MEGF10: variants seen among roughly 807,000 people sequenced by gnomAD.
MEGF10 encodes multiple epidermal growth factor-like domains protein 10.
Under a neutral mutation model 147.5 loss-of-function variants are expected in MEGF10, and 86 were observed. The ratio of observed to expected loss-of-function variants is 0.58; its 90% CI spans 0.49 to 0.70. The LOEUF (loss-of-function observed/expected upper bound fraction) is 0.70, where lower values mean the gene tolerates loss of function less well. MEGF10 is among the 30% of genes least tolerant of loss of function. The pLI, the probability that MEGF10 is intolerant of heterozygous loss-of-function variation, is 0.00. For missense variants in MEGF10, 1,329 were observed against 1,487.3 expected (o/e 0.89, Z 1.75); for synonymous variants, 478 against 525.5 (o/e 0.91, Z 1.24).
chr5:127,331,251 T>C, intron 1 of MEGF10, 40 bp from the exon 2 acceptor site: 1 of 1,073,170 alleles, frequency 9.3e-7, no homozygotes. Flanking sequence ...GTGTGAGTCA[T>C]TTCAATGCAT....
chr5:127,236,583 A>G, the MEGF10 span, among the ~76,000 whole-genome samples: 1 of 152,220 alleles, frequency 6.6e-6, no homozygotes, highest in African/African-American at 2.4e-5. Context: ...CTCCAGCTGG[A>G]CAGAACTACT....
At chr5:127,288,035 C>A (rs940578022), upstream of MEGF10, among the ~76,000 whole-genome samples, 1 of 152,048 alleles carries the variant, frequency 6.6e-6, no homozygotes, top group Non-Finnish European at 1.5e-5. Flanking sequence ...GCCAAAACAA[C>A]TGGATATCCA....
At chr5:127,295,859 G>T (rs143472292) in intron 1 of MEGF10, among the ~76,000 whole-genome samples, 69 of 152,220 alleles carry the variant, frequency 4.5e-4, no homozygotes, top group African/African-American at 1.7e-3. Context: ...AGATTCACTG[G>T]GTTCTGTTGA....
At chr5:127,377,466 G>C (rs1326508659) in intron 5 of MEGF10, among the ~76,000 whole-genome samples, 1 of 152,114 alleles carries the variant, frequency 6.6e-6, no homozygotes, top group Non-Finnish European at 1.5e-5. Flanking sequence ...CTCCAAACTT[G>C]GGTTTTATTG....
intron 1 of MEGF10, among the ~76,000 whole-genome samples, chr5:127,315,371 A>G (rs1231689017): frequency 6.6e-6 from 1 of 152,176 alleles, no homozygotes; most frequent in Non-Finnish European, 1.5e-5. Context: ...ATATACAAAC[A>G]CTTATGTACA....
At chr5:127,450,969 G>T (rs948529542) in intron 22 of MEGF10, among the ~76,000 whole-genome samples, 1 of 152,090 alleles carries the variant, frequency 6.6e-6, no homozygotes, top group Non-Finnish European at 1.5e-5. Context: ...ATGTTGGCCA[G>T]GCTGGTCTCA....
intron 14 of MEGF10, among the ~76,000 whole-genome samples, chr5:127,433,720 A>C (rs753076445): frequency 9.9e-5 from 15 of 152,224 alleles, no homozygotes; most frequent in Non-Finnish European, 2.2e-4. Flanking sequence ...ACAGATGGGG[A>C]TTTAACCATT....
chr5:127,389,374 G>C (rs908140297), intron 5 of MEGF10, among the ~76,000 whole-genome samples: 3 of 152,154 alleles, frequency 2.0e-5, no homozygotes, highest in Non-Finnish European at 2.9e-5. Context: ...ATTCCTCAAA[G>C]AGCTGAAAGC....
intron 9 of MEGF10, among the ~76,000 whole-genome samples, chr5:127,414,678 G>A (rs1764689766): frequency 6.6e-6 from 1 of 152,142 alleles, no homozygotes; most frequent in African/African-American, 2.4e-5. Flanking sequence ...CTAGATCCCT[G>A]GAGTCACATC....
At chr5:127,452,824 G>A (rs765993906) in intron 22 of MEGF10, among the ~76,000 whole-genome samples, 38 of 152,282 alleles carry the variant, frequency 2.5e-4, no homozygotes, top group Non-Finnish European at 5.1e-4. Flanking sequence ...CTTTGATAAG[G>A]TTAATTCTTC....
chr5:127,414,358 G>A (rs969414336), intron 9 of MEGF10, among the ~76,000 whole-genome samples: 28 of 151,806 alleles, frequency 1.8e-4, no homozygotes, highest in Admixed American at 6.6e-5. Flanking sequence ...TTTATAAAAT[G>A]GGATCATACC....
chr5:127,409,501 C>T (rs1257749143), intron 8 of MEGF10: 2 of 152,278 alleles, frequency 1.3e-5, no homozygotes, highest in African/African-American at 4.8e-5. Context: ...TTTGTGCTTT[C>T]CATGGAGCAA....
At chr5:127,232,123 A>G in the MEGF10 span, among the ~76,000 whole-genome samples, 1 of 152,246 alleles carries the variant, frequency 6.6e-6, no homozygotes, top group African/African-American at 2.4e-5. Flanking sequence ...TGGATTTCAA[A>G]TAAGTGGTAA....
intron 9 of MEGF10, among the ~76,000 whole-genome samples, chr5:127,416,075 T>C (rs1764760957): frequency 6.6e-6 from 1 of 151,820 alleles, no homozygotes; most frequent in Non-Finnish European, 1.5e-5. Flanking sequence ...GTCCCCAGGC[T>C]GGAGTGCAGT....
In MEGF10 at chr5:127,339,215, G is replaced by A. The variant is rs886059862; in HGVS notation, c.212G>A (p.Arg71Gln). ...ATTCTAAACTGGTTTAAATGCACGC[G>A]GCACAGGTAATAGAAGCTCAGGCAT... ...TDILNWFKCT[R>Q]HRVSYRTAYR... Residue 71 changes from arginine (R) to glutamine (Q), a missense_variant, in exon 3 of 25, where the codon CGG becomes CAG. By Grantham distance (43) the Arg-to-Gln change is conservative. This residue lies in a region of MEGF10 where 980 missense variants were observed against 1,085.9 expected (regional missense o/e 0.90). Coordinates refer to ENST00000503335, the MANE Select transcript of MEGF10 (RefSeq NM_001256545.2). The A allele has an allele frequency of 1.4e-5, 23 of 1,608,570 alleles. No individual in the cohort carries two copies. Among genetic ancestry groups the A allele is most frequent in the East Asian group, 2.2e-5 (1 of 44,792 alleles).
At position 127,400,793 on chromosome 5, in the gene MEGF10, G is replaced by A. The variant is rs117967695; in HGVS notation, c.781-1753G>A. 2.5e-4 allele frequency among the ~76,000 whole-genome samples: 38 copies of A among 152,262 alleles called. 2 individuals are homozygous for A. In the East Asian group the frequency reaches 7.3e-3, roughly 29 times the overall value. The stretch of plus-strand genomic sequence containing the variant: ...TGGACCCCTCCCTAGCAGCCTAAGG[G>A]AGCCTCCTCTCACCTCTTTATCTGT... On this transcript the variant is annotated intron_variant, in intron 7 of 24. Coordinates refer to ENST00000503335, the MANE Select transcript of MEGF10 (RefSeq NM_001256545.2).
At chr5:127,308,469 T>C (rs74290649) in intron 1 of MEGF10, among the ~76,000 whole-genome samples, 2,739 of 152,296 alleles carry the variant, frequency 0.018, 73 homozygotes, top group East Asian at 0.11. Context: ...GACGCCCTTT[T>C]GGTTTCCGTG....
intron 1 of MEGF10, among the ~76,000 whole-genome samples, chr5:127,317,481 AT>A (rs1173050242): frequency 1.3e-5 from 2 of 152,254 alleles, no homozygotes; most frequent in African/African-American, 4.8e-5. Context: ...TCTTGAATTA[AT>A]TTTTTTATAA....
chr5:127,309,049 C>G (rs779521354), intron 1 of MEGF10, among the ~76,000 whole-genome samples: 14 of 152,068 alleles, frequency 9.2e-5, no homozygotes, highest in Non-Finnish European at 1.9e-4. Context: ...CAGGCTGACA[C>G]AGGATCACAC....
Sources: gnomAD v4.1 joint callset for allele counts (sites outside exome capture counted in the v4.1 genomes callset) on GRCh38, gnomAD v4.1.1 for gene constraint, gnomAD v4.1.1 regional missense constraint, MANE v1.5 for transcripts, NCBI Gene and HGNC (gene_info 2026-07-23, HGNC 2026-07-21) for gene names.